The following RIOK2 variants were observed in gnomAD, a reference collection of about 807,000 sequenced individuals.
RIOK2 encodes serine/threonine-protein kinase RIO2.
Under a neutral mutation model 62.4 loss-of-function variants are expected in RIOK2, and 46 were observed. The ratio of observed to expected loss-of-function variants is 0.74; its 90% CI spans 0.58 to 0.94. RIOK2 has a LOEUF of 0.94. Among genes scored for constraint, RIOK2 ranks in the 40% least tolerant of loss-of-function variants. RIOK2 has a pLI of 0.00. For missense variants in RIOK2, 574 were observed against 658.0 expected (o/e 0.87, Z 1.40); for synonymous variants, 197 against 216.0 (o/e 0.91, Z 0.77).
At chr5:97,165,735 T>G (rs550596639) in intron 8 of RIOK2, among the ~76,000 whole-genome samples, 71 of 152,348 alleles carry the variant, frequency 4.7e-4, no homozygotes, top group Non-Finnish European at 6.2e-4. Flanking sequence ...TTGCCCAGCA[T>G]GTATCCAGAG....
chr5:97,166,233 T>C (rs1484537621), intron 8 of RIOK2: 1 of 446,494 alleles, frequency 2.2e-6, no homozygotes, highest in East Asian at 7.0e-5. Flanking sequence ...TTATTCTGTT[T>C]CTTTGAAGAA....
chr5:97,175,495 T>G (rs1272890368), intron 4 of RIOK2, among the ~76,000 whole-genome samples: 1 of 152,206 alleles, frequency 6.6e-6, no homozygotes, highest in East Asian at 1.9e-4. Flanking sequence ...ATACCTTCAA[T>G]ATAAATATCC....
At chr5:97,172,830 A>G (rs1184614636) in intron 5 of RIOK2, among the ~76,000 whole-genome samples, 11 of 152,166 alleles carry the variant, frequency 7.2e-5, no homozygotes, top group Non-Finnish European at 2.9e-5. Flanking sequence ...CATAGTACTT[A>G]CTAACAATTG....
At position 97,171,228 on chromosome 5, in the gene RIOK2, T is replaced by C. The variant is rs1748999602; in HGVS notation, c.757A>G (p.Thr253Ala). Reference protein sequence around the residue: ...TMIDFPQMVSTSHPNAEWYFD... With the variant: ...TMIDFPQMVSASHPNAEWYFD... ...TACCACTCAGCATTGGGATGAGAAG[T>C]TGAAACCATCTGTGGAAAATCAATC... Residue 253 changes from threonine (T) to alanine (A), a missense_variant, in exon 6 of 10, where the codon ACT becomes GCT. Physicochemically the swap from Thr to Ala is moderately conservative, Grantham distance 58. Transcript: ENST00000283109. 10 of 1,578,528 alleles carry C rather than the reference T, an allele frequency of 6.3e-6. No homozygotes were observed. The highest frequency in any genetic ancestry group is 6.9e-6 in the Non-Finnish European group (8 of 1,162,084).
chr5:97,169,340 T>G (rs1024323354), intron 6 of RIOK2, among the ~76,000 whole-genome samples: 11 of 152,228 alleles, frequency 7.2e-5, no homozygotes, highest in African/African-American at 2.7e-4. Context: ...TGTTTATGTA[T>G]CTTTGTTATC....
In RIOK2 at chr5:97,179,165, A is replaced by T; in HGVS notation, c.95T>A (p.Ile32Asn). ...AVEMGMKNHE[I>N]VPGSLIASIA... ...AGAAGCAATCAAACTGCCGGGAACA[A>T]TTTCATGGTTCTTCATGCCCATTTC... Residue 32 changes from isoleucine to asparagine, a missense_variant, in exon 2 of 10, where the codon ATT becomes AAT. By Grantham distance (149) the Ile-to-Asn change is moderately radical (BLOSUM62 -3). Transcript: ENST00000283109. 2.5e-6 allele frequency: 4 copies of T among 1,613,800 alleles called. No homozygotes were observed. The highest frequency in any genetic ancestry group is 2.5e-6 in the Non-Finnish European group (3 of 1,179,942).
chr5:97,178,377 C>T (rs1163220460), intron 2 of RIOK2, among the ~76,000 whole-genome samples: 1 of 151,632 alleles, frequency 6.6e-6, no homozygotes, highest in Non-Finnish European at 1.5e-5. Context: ...ACATGCTCTT[C>T]TGCAGTACCT....
chr5:97,169,970 T>A lies in RIOK2; in HGVS notation c.780-1118A>T, dbSNP rs189720677. Among the ~76,000 whole-genome samples the A allele has an allele frequency of 2.6e-5, 4 of 151,230 alleles. No homozygotes were observed. In the East Asian group the frequency reaches 5.9e-4, roughly 22 times the overall value. ...TGACCACCCCAGTGCCAGGCATTAA[T>A]CTTTTAGTATTATTTTGTTGAAAAC... On this transcript the variant is annotated intron_variant, in intron 6 of 9. Transcript: ENST00000283109.
At chr5:97,169,855 C>T (rs1276978085) in intron 6 of RIOK2, among the ~76,000 whole-genome samples, 1 of 152,160 alleles carries the variant, frequency 6.6e-6, no homozygotes, top group African/African-American at 2.4e-5. Context: ...TAATCTGTCA[C>T]ACTCTGGAGG....
intron 4 of RIOK2, among the ~76,000 whole-genome samples, chr5:97,173,775 G>A (rs2112837140): frequency 6.6e-6 from 1 of 152,224 alleles, no homozygotes; most frequent in South Asian, 2.1e-4. Flanking sequence ...TTTTCTCCAG[G>A]CCACAATATG....
chr5:97,180,027 A>ATATATATATT (rs1328576768), intron 1 of RIOK2, among the ~76,000 whole-genome samples: 1 of 63,472 alleles, frequency 1.6e-5, no homozygotes, highest in African/African-American at 5.9e-5. Context: ...ATATATATAT[A>ATATATATATT]ATATATATAT....
Position 97,167,937 on chromosome 5 carries a change from C to T in RIOK2, c.927G>A (p.Met309Ile), listed in dbSNP as rs1260780610. ...EVSASGYTKE[M>I]QADDELLHPL... ...GATGAAGCAGTTCATCATCTGCCTG[C>T]ATTTCCTTTGTGTAGCCACTGGCAG... Residue 309 changes from methionine to isoleucine, a missense_variant, in exon 8 of 10, where the codon ATG becomes ATA. Coordinates refer to ENST00000283109, the MANE Select transcript of RIOK2 (RefSeq NM_018343.3). 6.2e-7 allele frequency: 1 copy of T among 1,607,782 alleles called. No homozygotes were observed. Among genetic ancestry groups the T allele is most frequent in the Non-Finnish European group, 8.5e-7 (1 of 1,179,920 alleles).
At chr5:97,178,648 A>G (rs1045149534) in intron 2 of RIOK2, among the ~76,000 whole-genome samples, 10 of 132,100 alleles carry the variant, frequency 7.6e-5, no homozygotes, top group Admixed American at 3.1e-4. Context: ...TCTGTACTCT[A>G]CATGCTCTTC....
At chr5:97,170,708 G>T (rs751619278) in intron 6 of RIOK2, among the ~76,000 whole-genome samples, 1 of 152,144 alleles carries the variant, frequency 6.6e-6, no homozygotes, top group African/African-American at 2.4e-5. Context: ...GAAAACTCTA[G>T]TAGTTATACT....
At chr5:97,179,218 A>T (rs1205827442) in intron 1 of RIOK2, 25 bp from the exon 2 acceptor site, 1 of 1,605,802 alleles carries the variant, frequency 6.2e-7, no homozygotes, top group Admixed American at 1.7e-5. Flanking sequence ...ATCATTATAT[A>T]ATCATAATCA....
rs1362920962 is a variant in RIOK2, at chr5:97,183,211, C to T, written c.-20G>A. 1 of 1,614,068 alleles carries T rather than the reference C, an allele frequency of 6.2e-7. No individual in the cohort carries two copies. Among genetic ancestry groups the T allele is most frequent in the Non-Finnish European group, 8.5e-7 (1 of 1,179,908 alleles). On this transcript the variant is annotated 5_prime_UTR_variant, in exon 1 of 10. Coordinates refer to ENST00000283109, the MANE Select transcript of RIOK2 (RefSeq NM_018343.3). ...CCCCATGGCGGCCCCAGTCCGAACC[C>T]AGATGCCTCTCCGACGACAGCCGCA...
chr5:97,176,978 A>C lies in RIOK2; in HGVS notation c.498+138T>G, dbSNP rs996189182. The stretch of plus-strand genomic sequence containing the variant: ...GCCCAAATAATCAACAGAGTTATTT[A>C]AGATTGAGTCTGTCTGTAGGAATTG... On this transcript the variant is annotated intron_variant, in intron 4 of 9. Transcript: ENST00000283109. 3.1e-5 allele frequency: 22 copies of C among 711,018 alleles called. No homozygotes were observed. In the African/African-American group the frequency reaches 4.0e-4, roughly 13 times the overall value. The allele number at this position is 711,018 out of a possible 1,614,324, so 44.0% of individuals were successfully genotyped here. A position where few individuals can be genotyped will look rare whatever the true frequency, so the allele number is the denominator to read the frequency against.
At position 97,163,227 on chromosome 5, in the gene RIOK2, T is replaced by C; in HGVS notation, c.1495-2A>G. The C allele has an allele frequency of 6.2e-7, 1 of 1,612,392 alleles. No homozygotes were observed. The highest frequency in any genetic ancestry group is 8.5e-7 in the Non-Finnish European group (1 of 1,179,262). On this transcript the variant is annotated splice_acceptor_variant, in intron 9 of 9. Transcript: ENST00000283109. LOFTEE classifies it high-confidence loss of function. Reference sequence around the variant, plus strand: ...TTTCACCTTCTGTTTCACCAGTTCCTGGAAAGATTTCATAAATTAGTATTA... The same window carrying C: ...TTTCACCTTCTGTTTCACCAGTTCCCGGAAAGATTTCATAAATTAGTATTA...
Position 97,162,337 on chromosome 5 carries a change from T to A in RIOK2, c.*724A>T, listed in dbSNP as rs1012490883. 3.3e-5 allele frequency: 5 copies of A among 152,240 alleles called. No individual in the cohort carries two copies. Among genetic ancestry groups the A allele is most frequent in the Admixed American group, 2.6e-4 (4 of 15,280 alleles). 9.4% of individuals were successfully genotyped at this position (152,240 alleles called of 1,614,324 possible). On this transcript the variant is annotated 3_prime_UTR_variant, in exon 10 of 10. Coordinates refer to ENST00000283109, the MANE Select transcript of RIOK2 (RefSeq NM_018343.3). ...ATTTGTTAACCTTGAGGTGAGAACA[T>A]GTTCCGGACCCACTTATATAATAAG... is the stretch of plus-strand genomic sequence containing the variant.
Sources: allele counts gnomAD v4.1 joint callset (sites outside exome capture counted in the v4.1 genomes callset), GRCh38; gene constraint gnomAD v4.1.1; transcripts MANE v1.5; gene names NCBI Gene and HGNC (gene_info 2026-07-23, HGNC 2026-07-21).